UBE4B: variants seen among roughly 807,000 people sequenced by gnomAD.
UBE4B encodes the protein ubiquitin conjugation factor E4 B.
Under a neutral mutation model 148.1 loss-of-function variants are expected in UBE4B, and 27 were observed. That is an observed-to-expected ratio of 0.18 (90% CI 0.13 to 0.25). UBE4B has a LOEUF of 0.25. Among genes scored for constraint, UBE4B ranks in the 10% least tolerant of loss-of-function variants. The pLI is 1.00. For missense variants in UBE4B, 1,170 were observed against 1,662.4 expected (o/e 0.70, Z 5.15); for synonymous variants, 596 against 619.3 (o/e 0.96, Z 0.56).
chr1:10,153,739 A>G (rs941226717), intron 21 of UBE4B, among the ~76,000 whole-genome samples: 3 of 151,994 alleles, frequency 2.0e-5, no homozygotes, highest in African/African-American at 4.8e-5. Flanking sequence ...CACAAGGTCA[A>G]GAGATCGAGA....
At chr1:10,079,351 A>G (rs879782807) in intron 2 of UBE4B, among the ~76,000 whole-genome samples, 1 of 151,862 alleles carries the variant, frequency 6.6e-6, no homozygotes, top group Non-Finnish European at 1.5e-5. Flanking sequence ...GTAGAGACGG[A>G]GTTTCACCAT....
At chr1:10,179,824 G>A in intron 27 of UBE4B, 71 bp from the exon 28 acceptor site, 2 of 1,580,694 alleles carry the variant, frequency 1.3e-6, no homozygotes, top group Middle Eastern at 1.7e-4. Context: ...TTTATACAGA[G>A]CGACAAGCAT....
At chr1:10,071,442 G>A (rs1644482617) in intron 1 of UBE4B, among the ~76,000 whole-genome samples, 1 of 152,132 alleles carries the variant, frequency 6.6e-6, no homozygotes, top group Non-Finnish European at 1.5e-5. Flanking sequence ...AAATTAATTA[G>A]CTGGACATGG....
intron 17 of UBE4B, among the ~76,000 whole-genome samples, chr1:10,143,081 G>T (rs974445694): frequency 5.9e-5 from 9 of 152,124 alleles, no homozygotes; most frequent in African/African-American, 7.2e-5. Flanking sequence ...GCACTCCAGG[G>T]CAACAGAGTG....
chr1:10,069,717 T>G (rs1644451291), intron 1 of UBE4B, among the ~76,000 whole-genome samples: 1 of 152,110 alleles, frequency 6.6e-6, no homozygotes, highest in African/African-American at 2.4e-5. Flanking sequence ...GTATTTTTAG[T>G]AGAGACAGGG....
At position 10,178,661 on chromosome 1, in the gene UBE4B, A is replaced by T; in HGVS notation, c.3543A>T (p.Glu1181Asp). Residue 1181 changes from glutamate to aspartate, a missense_variant, in exon 26 of 28, where the codon GAA becomes GAT. Glu to Asp is a conservative substitution (Grantham distance 45, BLOSUM62 2). This residue lies in a region of UBE4B where 348 missense variants were observed against 627.2 expected (regional missense o/e 0.55). Transcript: ENST00000343090. ...IADDQRSYSKELFEEVISKMR... is the reference protein window; with the variant it reads ...IADDQRSYSKDLFEEVISKMR... ...CTTTGCAGAGATCCTACAGTAAGGA[A>T]TTGTTTGAAGAAGTTATTTCAAAGA... 1 of 1,611,962 alleles carries T rather than the reference A, an allele frequency of 6.2e-7. No individual in the cohort carries two copies. The highest frequency in any genetic ancestry group is 8.5e-7 in the Non-Finnish European group (1 of 1,179,304).
At chr1:10,142,227 G>A (rs1645794121) in intron 17 of UBE4B, among the ~76,000 whole-genome samples, 1 of 152,048 alleles carries the variant, frequency 6.6e-6, no homozygotes, top group Non-Finnish European at 1.5e-5. Context: ...TGATCCCAGA[G>A]CCCCATTTTT....
At chr1:10,077,050 C>G (rs936613115) in intron 2 of UBE4B, among the ~76,000 whole-genome samples, 1 of 152,022 alleles carries the variant, frequency 6.6e-6, no homozygotes, top group Non-Finnish European at 1.5e-5. Context: ...CAGCCTAGTC[C>G]CAGCTTCTTG....
chr1:10,085,115 T>G lies in UBE4B; in HGVS notation c.212-10346T>G, dbSNP rs554297374. ...CACCTTTAACACCTAGAGTTGAACG[T>G]TCATACCTGGAGAGCCTTAACATTA... On this transcript the variant is annotated intron_variant, in intron 2 of 27. Coordinates refer to ENST00000343090, the MANE Select transcript of UBE4B (RefSeq NM_001105562.3). Among the ~76,000 whole-genome samples the G allele has an allele frequency of 2.0e-5, 3 of 152,298 alleles. No homozygotes were observed. The East Asian group carries it at 5.8e-4, about 29-fold the overall frequency.
At chr1:10,105,428 C>A in intron 5 of UBE4B, 88 bp from the exon 6 acceptor site, 1 of 1,138,556 alleles carries the variant, frequency 8.8e-7, no homozygotes, top group Non-Finnish European at 1.3e-6. Context: ...CTGCATCGAA[C>A]CATTTGGGGT....
chr1:10,129,591 A>G (rs1570944077), intron 12 of UBE4B, 143 bp downstream of exon 12: 1 of 680,318 alleles, frequency 1.5e-6, no homozygotes, highest in East Asian at 2.7e-5. Flanking sequence ...GAGGCTCTCA[A>G]CTGTTACATT....
intron 25 of UBE4B, among the ~76,000 whole-genome samples, chr1:10,171,692 T>C (rs1646341759): frequency 1.3e-5 from 2 of 152,280 alleles, no homozygotes; most frequent in South Asian, 4.1e-4. Flanking sequence ...CCAGCCTGGC[T>C]AACATGGTGA....
Position 10,133,147 on chromosome 1 carries a change from C to G in UBE4B, c.2025+665C>G, listed in dbSNP as rs544903386. On this transcript the variant is annotated intron_variant, in intron 15 of 27. Coordinates refer to ENST00000343090, the MANE Select transcript of UBE4B (RefSeq NM_001105562.3). ...CGTGAGTGCTTCGGTCCGGGTGAGA[C>G]AGGCCAGTGGCTGCAGCTGCTTTGC... Among the ~76,000 whole-genome samples the G allele has an allele frequency of 5.3e-5, 8 of 152,322 alleles. No individual in the cohort carries two copies. The South Asian group carries it at 1.7e-3, about 32-fold the overall frequency.
intron 8 of UBE4B, among the ~76,000 whole-genome samples, chr1:10,118,818 TTA>T (rs1396017683): frequency 1.3e-5 from 2 of 150,874 alleles, no homozygotes; most frequent in African/African-American, 2.4e-5. Context: ...CAGCTAATTT[TTA>T]TGTTTTTTTT....
chr1:10,111,395 C>T (rs760784953), intron 7 of UBE4B, among the ~76,000 whole-genome samples: 12 of 152,128 alleles, frequency 7.9e-5, no homozygotes, highest in African/African-American at 1.2e-4. Context: ...TTCTCCCCTT[C>T]GGACCACTCT....
intron 1 of UBE4B, among the ~76,000 whole-genome samples, chr1:10,037,121 G>A (rs1209303037): frequency 2.0e-5 from 3 of 152,192 alleles, no homozygotes; most frequent in Non-Finnish European, 4.4e-5. Flanking sequence ...TCTGCCTCCC[G>A]GGTTCAAGCG....
chr1:10,179,360 CT>C, intron 26 of UBE4B, 55 bp from the exon 27 acceptor site: 3 of 1,580,052 alleles, frequency 1.9e-6, no homozygotes, highest in Non-Finnish European at 1.7e-6. Flanking sequence ...GCTTTGTTTT[CT>C]TTTTCAGTCG....
intron 23 of UBE4B, among the ~76,000 whole-genome samples, chr1:10,166,754 A>G (rs192461492): frequency 4.9e-4 from 74 of 151,550 alleles, no homozygotes; most frequent in African/African-American, 1.5e-3. Flanking sequence ...CGAAACCCCA[A>G]TCTTTACCAA....
At chr1:10,100,236 A>G (rs918748565) in intron 3 of UBE4B, among the ~76,000 whole-genome samples, 14 of 152,112 alleles carry the variant, frequency 9.2e-5, no homozygotes, top group African/African-American at 2.2e-4. Flanking sequence ...TGATCCGCCC[A>G]CCTCGGCCTC....
Sources: allele counts gnomAD v4.1 joint callset (sites outside exome capture counted in the v4.1 genomes callset), GRCh38; gene constraint gnomAD v4.1.1; regional missense constraint gnomAD v4.1.1; transcripts MANE v1.5; gene names NCBI Gene and HGNC (gene_info 2026-07-23, HGNC 2026-07-21).